The following UBR3 variants were observed in gnomAD, a reference collection of about 807,000 sequenced individuals.
UBR3 encodes the protein ubiquitin protein ligase E3 component n-recognin 3, also known as E3 ubiquitin-protein ligase UBR3.
Under a neutral mutation model 243.2 loss-of-function variants are expected in UBR3, and 85 were observed. The ratio of observed to expected loss-of-function variants is 0.35; its 90% CI spans 0.29 to 0.42. The LOEUF (loss-of-function observed/expected upper bound fraction) is 0.42. Among genes scored for constraint, UBR3 ranks in the 10% least tolerant of loss-of-function variants. The probability of loss-of-function intolerance (pLI) is 1.00; values close to 1 mark genes in which losing one functional copy is unlikely to be tolerated. For missense variants in UBR3, 1,686 were observed against 2,300.8 expected, an observed-to-expected ratio of 0.73 and a Z score of 5.47; for synonymous variants, 748 against 799.8, an observed-to-expected ratio of 0.94 and a Z score of 1.09.
intron 30 of UBR3, 35 bp from the exon 31 acceptor site, chr2:170,029,311 G>T: frequency 6.5e-7 from 1 of 1,542,512 alleles, no homozygotes; most frequent in South Asian, 1.2e-5. Flanking sequence ...ACAAATGTGT[G>T]AACTTTCTAA....
intron 31 of UBR3, among the ~76,000 whole-genome samples, chr2:170,034,597 C>T (rs1459407363): frequency 6.6e-6 from 1 of 151,886 alleles, no homozygotes; most frequent in African/African-American, 2.4e-5. Context: ...TTGGTTGCTT[C>T]GAAGTTTTGG....
chr2:169,838,701 A>G (rs1176513632), intron 1 of UBR3, among the ~76,000 whole-genome samples: 1 of 152,160 alleles, frequency 6.6e-6, no homozygotes, highest in African/African-American at 2.4e-5. Context: ...TTCACATACA[A>G]ATACATTCAT....
At chr2:169,988,771 G>A (rs987194808) in intron 25 of UBR3, among the ~76,000 whole-genome samples, 8 of 152,028 alleles carry the variant, frequency 5.3e-5, no homozygotes, top group Non-Finnish European at 1.2e-4. Context: ...TCTAGCCTGC[G>A]TGATAGAGTA....
intron 18 of UBR3, among the ~76,000 whole-genome samples, chr2:169,929,833 C>G (rs920140645): frequency 2.0e-5 from 3 of 152,116 alleles, no homozygotes; most frequent in African/African-American, 7.2e-5. Flanking sequence ...TGCTTCTTGA[C>G]TCCCTCAACA....
At chr2:169,883,637 T>C (rs73972642) in intron 5 of UBR3, among the ~76,000 whole-genome samples, 8,706 of 152,232 alleles carry the variant, frequency 0.057, 460 homozygotes, top group African/African-American at 0.14. Flanking sequence ...AATAGCTAAA[T>C]AATGTACCAA....
chr2:169,842,594 G>A (rs1278613775), intron 1 of UBR3, among the ~76,000 whole-genome samples: 1 of 152,062 alleles, frequency 6.6e-6, no homozygotes, highest in Non-Finnish European at 1.5e-5. Context: ...CCTGAGCCCA[G>A]CGAGACCACG....
chr2:169,896,937 C>T (rs544597254), intron 8 of UBR3, among the ~76,000 whole-genome samples: 4 of 152,118 alleles, frequency 2.6e-5, no homozygotes, highest in Admixed American at 1.3e-4. Flanking sequence ...ATGTTTGTTA[C>T]GGACATCTTT....
At chr2:169,944,085 T>C (rs916237805) in intron 20 of UBR3, among the ~76,000 whole-genome samples, 10 of 152,202 alleles carry the variant, frequency 6.6e-5, no homozygotes, top group African/African-American at 2.4e-4. Flanking sequence ...TATTAAAAAA[T>C]GTAGAATATC....
chr2:169,892,961 A>G (rs1384812184), intron 6 of UBR3, among the ~76,000 whole-genome samples: 1 of 151,972 alleles, frequency 6.6e-6, no homozygotes, highest in Non-Finnish European at 1.5e-5. Flanking sequence ...TCATGCATTT[A>G]CAGTACATAA....
intron 1 of UBR3, among the ~76,000 whole-genome samples, chr2:169,866,150 C>CAAAAAAAAAAAAAAAAAAA (rs578054467): frequency 1.9e-5 from 1 of 53,380 alleles, no homozygotes; most frequent in African/African-American, 1.1e-4. Flanking sequence ...GACTGTGTCT[C>CAAAAAAAAAAAAAAAAAAA]AAAAAAAAAA....
At chr2:169,993,273 G>T (rs1452086835) in intron 25 of UBR3, among the ~76,000 whole-genome samples, 1 of 152,192 alleles carries the variant, frequency 6.6e-6, no homozygotes, top group Non-Finnish European at 1.5e-5. Context: ...GAATGATTAA[G>T]TCAAGCTAAT....
chr2:169,890,540 G>GATATATATATATATATATAT, intron 5 of UBR3, among the ~76,000 whole-genome samples: 1 of 75,996 alleles, frequency 1.3e-5, no homozygotes, highest in African/African-American at 6.4e-5. Flanking sequence ...GAGAGAGAGA[G>GATATATATATATATATATAT]ATATATATAT....
chr2:169,933,918 C>T (rs918689698), intron 19 of UBR3, among the ~76,000 whole-genome samples: 2 of 152,006 alleles, frequency 1.3e-5, no homozygotes, highest in African/African-American at 4.8e-5. Flanking sequence ...CCAGTTCAGC[C>T]ATCGGCATCT....
chr2:169,914,583 G>A (rs2085379593), intron 11 of UBR3, among the ~76,000 whole-genome samples: 1 of 152,206 alleles, frequency 6.6e-6, no homozygotes, highest in Non-Finnish European at 1.5e-5. Context: ...TTGAACAAAG[G>A]TGATTAGTGT....
At chr2:169,891,641 G>C (rs1034918605) in intron 6 of UBR3, among the ~76,000 whole-genome samples, 9 of 83,824 alleles carry the variant, frequency 1.1e-4, no homozygotes, top group African/African-American at 1.6e-4. Flanking sequence ...CACACACACA[G>C]GGAATGAACA....
chr2:169,969,357 T>A (rs1049513124), intron 24 of UBR3, among the ~76,000 whole-genome samples: 2 of 152,198 alleles, frequency 1.3e-5, no homozygotes, highest in Non-Finnish European at 2.9e-5. Flanking sequence ...TTGGATTTGA[T>A]TTTTGAATAT....
chr2:169,941,285 A>G (rs573551643), intron 19 of UBR3, among the ~76,000 whole-genome samples: 34 of 152,316 alleles, frequency 2.2e-4, no homozygotes, highest in African/African-American at 6.5e-4. Flanking sequence ...GAAATGAGGG[A>G]TGGTATCCAA....
intron 32 of UBR3, among the ~76,000 whole-genome samples, chr2:170,051,795 C>G (rs2091224229): frequency 6.6e-6 from 1 of 152,150 alleles, no homozygotes; most frequent in South Asian, 2.1e-4. Flanking sequence ...ATGTCTGTCA[C>G]TTATTAAAAT....
intron 35 of UBR3, among the ~76,000 whole-genome samples, chr2:170,068,977 T>C (rs1244797998): frequency 6.6e-6 from 1 of 152,198 alleles, no homozygotes; most frequent in Non-Finnish European, 1.5e-5. Flanking sequence ...CTTATATAAT[T>C]GTTATGCATC....
Sources: gnomAD v4.1 joint callset for allele counts (sites outside exome capture counted in the v4.1 genomes callset) on GRCh38, gnomAD v4.1.1 for gene constraint, MANE v1.5 for transcripts, NCBI Gene and HGNC (gene_info 2026-07-23, HGNC 2026-07-21) for gene names.